TPM3: variants seen among roughly 807,000 people sequenced by gnomAD.
The protein encoded by TPM3 is tropomyosin 3, also known as tropomyosin alpha-3 chain.
TPM3 carries 16 observed loss-of-function variants against 43.1 expected under a neutral mutation model. That is an observed-to-expected ratio of 0.37 (90% CI 0.25 to 0.56). TPM3 has a LOEUF of 0.56. TPM3 is among the 20% of genes least tolerant of loss of function. The probability of loss-of-function intolerance (pLI) is 0.77; values close to 1 mark genes in which losing one functional copy is unlikely to be tolerated. For missense variants in TPM3, 176 were observed against 337.2 expected (o/e 0.52, Z 3.74); for synonymous variants, 101 against 116.9 (o/e 0.86, Z 0.88).
intron 8 of TPM3, 138 bp downstream of exon 8, chr1:154,170,262 G>T: frequency 1.1e-6 from 1 of 910,984 alleles, no homozygotes; most frequent in Non-Finnish European, 1.8e-6. Flanking sequence ...CCTAGCTGTG[G>T]CATAGGACAG....
At position 154,174,399 on chromosome 1, in the gene TPM3, T is replaced by C. The variant is rs1306057147; in HGVS notation, c.378-1198A>G. Among the ~76,000 whole-genome samples the C allele has an allele frequency of 4.4e-4, 50 of 114,442 alleles. 1 individual carries two copies. Among genetic ancestry groups the C allele is most frequent in the African/African-American group, 1.8e-3 (48 of 27,158 alleles). The allele number at this position is 114,442 out of a possible 152,430, so 75.1% of individuals were successfully genotyped here. ...ATATATATATATATATATATATATA[T>C]ATATATATACACACAAAAATCCCAT... On this transcript the variant is annotated intron_variant, in intron 3 of 9. Coordinates refer to ENST00000651641, the MANE Select transcript of TPM3 (RefSeq NM_152263.4).
Position 154,185,803 on chromosome 1 carries a change from G to A in TPM3, c.243+5383C>T, listed in dbSNP as rs117634885. 2.0e-5 allele frequency among the ~76,000 whole-genome samples: 3 copies of A among 151,504 alleles called. No homozygotes were observed. The East Asian group carries it at 5.8e-4, about 29-fold the overall frequency. ...GAAGCACAATAGTAAAGAGACTTGA[G>A]AACGTTATCTTCCCTCTTATTTCTT... On this transcript the variant is annotated intron_variant, in intron 2 of 9. Coordinates refer to ENST00000651641, the MANE Select transcript of TPM3 (RefSeq NM_152263.4).
At chr1:154,185,114 G>A (rs550321174) in intron 2 of TPM3, among the ~76,000 whole-genome samples, 103 of 152,260 alleles carry the variant, frequency 6.8e-4, no homozygotes, top group African/African-American at 1.8e-3. Flanking sequence ...GCTCATGCCT[G>A]TAATCCCAGC....
rs1233437780 is a variant in TPM3 at position 154,164,772 on chromosome 1, G to A, written c.*3165C>T. ...AATGAGTAGATCTGAAGAAAACAAT[G>A]TAGGCAGCAATGAATATGGAAAAAG... On this transcript the variant is annotated 3_prime_UTR_variant, in exon 10 of 10. Coordinates refer to ENST00000651641, the MANE Select transcript of TPM3 (RefSeq NM_152263.4). Among the ~76,000 whole-genome samples the A allele has an allele frequency of 6.6e-6, 1 of 152,096 alleles. No individual in the cohort carries two copies. The highest frequency in any genetic ancestry group is 1.9e-4 in the East Asian group (1 of 5,204).
intron 3 of TPM3, among the ~76,000 whole-genome samples, chr1:154,174,783 T>C (rs966927976): frequency 5.3e-5 from 8 of 150,916 alleles, no homozygotes; most frequent in African/African-American, 1.7e-4. Context: ...TGTGAGCCAC[T>C]GCGCCCGGCC....
At chr1:154,178,217 G>C (rs1056274190) in intron 2 of TPM3, 38 of 985,194 alleles carry the variant, frequency 3.9e-5, no homozygotes, top group Middle Eastern at 1.0e-3. Context: ...AAGATAACAG[G>C]CTATGGGGCG....
At position 154,176,261 on chromosome 1, in the gene TPM3, G is replaced by A. The variant is rs1662297249; in HGVS notation, c.244-13C>T. The A allele has an allele frequency of 6.2e-7, 1 of 1,613,960 alleles. No homozygotes were observed. The highest frequency in any genetic ancestry group is 1.1e-5 in the South Asian group (1 of 91,070). ...CCTCAGCCTCAGCCTGCATTTGAAG[G>A]AAAGAATGGACAAGGGAAGCAGAGG... is the stretch of plus-strand genomic sequence containing the variant. On this transcript the variant is annotated splice_polypyrimidine_tract_variant and intron_variant, in intron 2 of 9. Transcript: ENST00000651641.
intron 3 of TPM3, 124 bp downstream of exon 3, chr1:154,175,991 A>G (rs1571417877): frequency 6.6e-7 from 1 of 1,512,604 alleles, no homozygotes; most frequent in East Asian, 2.3e-5. Flanking sequence ...AAGTGCTGGG[A>G]TTACAGGCGT....
chr1:154,179,773 T>C (rs559947562), intron 2 of TPM3, among the ~76,000 whole-genome samples: 15 of 152,208 alleles, frequency 9.9e-5, no homozygotes, highest in African/African-American at 3.6e-4. Flanking sequence ...TTAGTAGAGA[T>C]GGGGTTTCAT....
intron 2 of TPM3, among the ~76,000 whole-genome samples, chr1:154,185,411 C>T (rs1663372436): frequency 1.4e-5 from 2 of 141,900 alleles, no homozygotes; most frequent in East Asian, 4.3e-4. Context: ...AGACCAGGCG[C>T]AGTGGCTCAC....
chr1:154,172,221 G>A (rs759208802), intron 5 of TPM3: 2 of 980,844 alleles, frequency 2.0e-6, no homozygotes, highest in Non-Finnish European at 3.3e-6. Flanking sequence ...CAAAAAATGG[G>A]AAGAGAACAC....
In TPM3 at chr1:154,167,873, T is replaced by C. The variant is rs1299909920; in HGVS notation, c.*64A>G. On this transcript the variant is annotated 3_prime_UTR_variant, in exon 10 of 10. Transcript: ENST00000651641. ...ACCCAAATGGAATCCAGAGCGAGAG[T>C]GGGGCCTTGGGTTCCCCGAGGAGTA... The C allele has an allele frequency of 2.5e-6, 4 of 1,613,486 alleles. No homozygotes were observed. The highest frequency in any genetic ancestry group is 3.4e-6 in the Non-Finnish European group (4 of 1,179,796).
At chr1:154,190,650 G>A (rs1247567425) in intron 2 of TPM3, among the ~76,000 whole-genome samples, 1 of 152,128 alleles carries the variant, frequency 6.6e-6, no homozygotes, top group Non-Finnish European at 1.5e-5. Flanking sequence ...GCTTCATATG[G>A]CATCTCCATG....
chr1:154,171,794 C>A (rs887651119), intron 5 of TPM3: 2 of 634,016 alleles, frequency 3.2e-6, no homozygotes, highest in Non-Finnish European at 5.5e-6. Context: ...AAATGCCCAA[C>A]CCAAACAGTC....
intron 8 of TPM3, 79 bp from the exon 9 acceptor site, chr1:154,169,462 A>G (rs367640470): frequency 2.1e-6 from 3 of 1,431,938 alleles, no homozygotes; most frequent in African/African-American, 1.4e-5. Flanking sequence ...AGAGGGAATC[A>G]TTAGAAATTA....
chr1:154,183,281 A>G, intron 2 of TPM3: 1 of 1,509,748 alleles, frequency 6.6e-7, no homozygotes, highest in Non-Finnish European at 8.8e-7. Context: ...ACCGCCAGGC[A>G]GGCGGGAAGG....
rs151107115 is a variant in TPM3 at position 154,182,316 on chromosome 1, G to C, written c.244-6068C>G. ...CTGCCGTTTCACGTAGATTCAGAGAGTGGGTGTAGCAGCTGCAAGAGCACC... is the reference window on the plus strand; with the variant it reads ...CTGCCGTTTCACGTAGATTCAGAGACTGGGTGTAGCAGCTGCAAGAGCACC... On this transcript the variant is annotated intron_variant, in intron 2 of 9. Transcript: ENST00000651641. Among the ~76,000 whole-genome samples, 201 of 152,336 alleles carry C rather than the reference G, an allele frequency of 1.3e-3. 1 individual carries two copies. The highest frequency in any genetic ancestry group is 4.6e-3 in the African/African-American group (193 of 41,562).
intron 2 of TPM3, chr1:154,183,141 C>G (rs1012474708): frequency 5.0e-6 from 8 of 1,597,758 alleles, no homozygotes; most frequent in African/African-American, 1.3e-5. Context: ...AGCTACTGCT[C>G]GCGCTCCGGT....
intron 2 of TPM3, among the ~76,000 whole-genome samples, chr1:154,176,653 G>GCAAA (rs1662353879): frequency 7.8e-6 from 1 of 129,030 alleles, no homozygotes. Context: ...CATAAAGCAG[G>GCAAA]AAAAAAAAAA....
Sources: gnomAD v4.1 joint callset for allele counts (sites outside exome capture counted in the v4.1 genomes callset) on GRCh38, gnomAD v4.1.1 for gene constraint, MANE v1.5 for transcripts, NCBI Gene and HGNC (gene_info 2026-07-23, HGNC 2026-07-21) for gene names.